PCDHA10: variants seen among roughly 807,000 people sequenced by gnomAD.
PCDHA10 encodes protocadherin alpha 10, also known as protocadherin alpha-10.
PCDHA10 carries 45 observed loss-of-function variants against 61.2 expected under a neutral mutation model. That is an observed-to-expected ratio of 0.74 (90% CI 0.58 to 0.94). The LOEUF is 0.94. Among genes scored for constraint, PCDHA10 ranks in the 40% least tolerant of loss-of-function variants. PCDHA10 has a pLI of 0.00. For missense variants in PCDHA10, 1,278 were observed against 1,236.2 expected (o/e 1.03, Z -0.51); for synonymous variants, 602 against 548.8 (o/e 1.10, Z -1.35).
intron 1 of PCDHA10, among the ~76,000 whole-genome samples, chr5:140,910,929 A>G (rs2075237197): frequency 6.6e-6 from 1 of 152,176 alleles, no homozygotes; most frequent in Admixed American, 6.5e-5. Flanking sequence ...TATAAATAAG[A>G]AAGCTCAAGC....
intron 1 of PCDHA10, chr5:140,875,368 T>G (rs745982019): frequency 1.3e-5 from 19 of 1,449,988 alleles, no homozygotes; most frequent in Non-Finnish European, 1.7e-5. Context: ...TGGAAAAAAT[T>G]TACTAAATAT....
chr5:140,870,385 G>A, intron 1 of PCDHA10: 1 of 1,614,240 alleles, frequency 6.2e-7, no homozygotes. Context: ...GACTGCGCGG[G>A]ATGGGGGTTC....
At chr5:140,863,829 T>A (rs2048195193) in intron 1 of PCDHA10, 1 of 199,822 alleles carries the variant, frequency 5.0e-6, no homozygotes, top group East Asian at 1.2e-4. Flanking sequence ...TGAAACTCCA[T>A]CTCTACTAAA....
Position 140,857,664 on chromosome 5 carries a change from G to C in PCDHA10, c.1616G>C (p.Gly539Ala), listed in dbSNP as rs201104305. ...LLQFQVSARD[G>A]GVPPLGSNLT... Reference sequence around the variant, plus strand: ...CAGTTCCAGGTGAGCGCGCGCGATGGGGGCGTGCCGCCTCTGGGCAGCAAC... The same window carrying C: ...CAGTTCCAGGTGAGCGCGCGCGATGCGGGCGTGCCGCCTCTGGGCAGCAAC... The change falls in exon 1 of 4, where the codon GGG becomes GCG. Residue 539 changes from glycine (G) to alanine (A), a missense_variant. Transcript: ENST00000307360. 3.7e-5 allele frequency: 59 copies of C among 1,591,986 alleles called. 7 individuals are homozygous for C. The highest frequency in any genetic ancestry group is 8.9e-5 in the East Asian group (4 of 44,792).
chr5:140,953,093 A>T (rs2153698233), intron 1 of PCDHA10, among the ~76,000 whole-genome samples: 1 of 152,346 alleles, frequency 6.6e-6, no homozygotes, highest in East Asian at 1.9e-4. Flanking sequence ...TTACAATTTG[A>T]CATGAGATTT....
intron 1 of PCDHA10, among the ~76,000 whole-genome samples, chr5:140,939,735 G>A (rs2092448026): frequency 6.6e-6 from 1 of 152,174 alleles, no homozygotes; most frequent in South Asian, 2.1e-4. Flanking sequence ...GTGTGTAGCT[G>A]TGTATCATTC....
At position 140,892,541 on chromosome 5, in the gene PCDHA10, T is replaced by C. The variant is rs192378744; in HGVS notation, c.2388+34105T>C. Among the ~76,000 whole-genome samples, 471 of 152,362 alleles carry C rather than the reference T, an allele frequency of 3.1e-3. 2 individuals are homozygous for C. Among genetic ancestry groups the C allele is most frequent in the African/African-American group, 0.011 (438 of 41,580 alleles). On this transcript the variant is annotated intron_variant, in intron 1 of 3. Coordinates refer to ENST00000307360, the MANE Select transcript of PCDHA10 (RefSeq NM_018901.4). ...CTGGTAGACTCAGGATTCTGACTTTTGTTTCTCTAGTCCTTGGAGACTGTC... is the reference window on the plus strand; with the variant it reads ...CTGGTAGACTCAGGATTCTGACTTTCGTTTCTCTAGTCCTTGGAGACTGTC...
At chr5:140,918,428 T>C (rs2078691655) in intron 1 of PCDHA10, among the ~76,000 whole-genome samples, 1 of 152,194 alleles carries the variant, frequency 6.6e-6, no homozygotes, top group African/African-American at 2.4e-5. Context: ...AGTAGGATGT[T>C]GAATAGGAGT....
At chr5:140,986,899 C>G (rs2097217128) in intron 3 of PCDHA10, among the ~76,000 whole-genome samples, 1 of 152,072 alleles carries the variant, frequency 6.6e-6, no homozygotes, top group African/African-American at 2.4e-5. Flanking sequence ...AGGCCCTATC[C>G]TAGACTAATG....
chr5:140,998,679 C>G (rs969303770), intron 3 of PCDHA10, among the ~76,000 whole-genome samples: 1 of 152,136 alleles, frequency 6.6e-6, no homozygotes, highest in Non-Finnish European at 1.5e-5. Flanking sequence ...ATTCTCCTGC[C>G]TCAGCCTCCC....
intron 1 of PCDHA10, among the ~76,000 whole-genome samples, chr5:140,913,185 G>A (rs1331767738): frequency 2.6e-5 from 4 of 152,166 alleles, no homozygotes; most frequent in African/African-American, 9.7e-5. Flanking sequence ...TAAATGTTTG[G>A]TAGAATTTGG....
intron 1 of PCDHA10, among the ~76,000 whole-genome samples, chr5:140,909,031 A>G (rs782567758): frequency 7.9e-5 from 12 of 152,106 alleles, no homozygotes; most frequent in Non-Finnish European, 1.6e-4. Flanking sequence ...TTAGTCATTT[A>G]TTTTCCATAC....
chr5:140,857,704 G>A lies in PCDHA10; in HGVS notation c.1656G>A (p.Val552=). ...TGGGCAGCAACTTGACGCTGCAGGT[G>A]TTCGTGCTGGACGAGAACGACAACG... ...PPLGSNLTLQ[V]FVLDENDNAP... is the part of the protein sequence containing the mutation. Residue 552 remains valine (V), a synonymous_variant, in exon 1 of 4, where the codon GTG becomes GTA. Coordinates refer to ENST00000307360, the MANE Select transcript of PCDHA10 (RefSeq NM_018901.4). The A allele has an allele frequency of 6.3e-7, 1 of 1,597,424 alleles. No homozygotes were observed. The highest frequency in any genetic ancestry group is 8.6e-7 in the Non-Finnish European group (1 of 1,167,790).
At chr5:140,886,339 C>T (rs181002773) in intron 1 of PCDHA10, among the ~76,000 whole-genome samples, 87 of 151,982 alleles carry the variant, frequency 5.7e-4, no homozygotes, top group Non-Finnish European at 1.2e-3. Flanking sequence ...ATGTGCAGAA[C>T]GTGCAGGTTT....
chr5:140,971,202 C>T (rs1486022070), intron 1 of PCDHA10, among the ~76,000 whole-genome samples: 1 of 152,156 alleles, frequency 6.6e-6, no homozygotes, highest in Non-Finnish European at 1.5e-5. Context: ...AGGAAAGACA[C>T]TGTTACCCTC....
intron 1 of PCDHA10, chr5:140,870,111 G>A (rs112749867): frequency 6.8e-6 from 11 of 1,613,880 alleles, no homozygotes; most frequent in Non-Finnish European, 9.3e-6. Flanking sequence ...GTACAGTCTG[G>A]GTGGAAATCT....
At chr5:140,932,899 CAAT>C (rs1317207926) in intron 1 of PCDHA10, among the ~76,000 whole-genome samples, 2 of 151,832 alleles carry the variant, frequency 1.3e-5, no homozygotes, top group Non-Finnish European at 3.0e-5. Context: ...TAGAGGGAAA[CAAT>C]AATATTTCAA....
chr5:140,888,324 T>C (rs1191192546), intron 1 of PCDHA10, among the ~76,000 whole-genome samples: 1 of 152,152 alleles, frequency 6.6e-6, no homozygotes, highest in East Asian at 1.9e-4. Flanking sequence ...CCTGGATACA[T>C]TTTTGGTTAT....
At chr5:140,948,271 T>C (rs1295867135) in intron 1 of PCDHA10, among the ~76,000 whole-genome samples, 4 of 151,646 alleles carry the variant, frequency 2.6e-5, no homozygotes, top group Non-Finnish European at 5.9e-5. Flanking sequence ...TCATGTAGAA[T>C]ATCTGTAAAT....
Sources: allele counts gnomAD v4.1 joint callset (sites outside exome capture counted in the v4.1 genomes callset), GRCh38; gene constraint gnomAD v4.1.1; transcripts MANE v1.5; gene names NCBI Gene and HGNC (gene_info 2026-07-23, HGNC 2026-07-21).